Variants in PTPN3 observed in about 807,000 individuals in gnomAD.
PTPN3 encodes protein tyrosine phosphatase non-receptor type 3.
Under a neutral mutation model 132.7 loss-of-function variants are expected in PTPN3, and 96 were observed. The observed-to-expected ratio is 0.72, with a 90% CI of 0.61 to 0.86. PTPN3 has a LOEUF of 0.86. PTPN3 is among the 40% of genes least tolerant of loss of function. PTPN3 has a pLI of 0.00. For synonymous variants in PTPN3, 398 were observed against 429.0 expected (o/e 0.93, Z 0.89); for missense variants, 1,125 against 1,159.6 (o/e 0.97, Z 0.43).
upstream of PTPN3, among the ~76,000 whole-genome samples, chr9:109,500,193 C>T (rs1038287278): frequency 6.6e-6 from 1 of 152,242 alleles, no homozygotes. Flanking sequence ...AGATCCATTT[C>T]TTGAGTGCCT....
At chr9:109,521,085 T>C in the PTPN3 span, among the ~76,000 whole-genome samples, 19 of 152,152 alleles carry the variant, frequency 1.2e-4, no homozygotes, top group Non-Finnish European at 2.6e-4. Flanking sequence ...TAGAGAACAA[T>C]GAATCAACAA....
the PTPN3 span, among the ~76,000 whole-genome samples, chr9:109,517,321 T>C: frequency 3.3e-5 from 5 of 152,208 alleles, no homozygotes; most frequent in Non-Finnish European, 4.4e-5. Context: ...TGAGGTTCTC[T>C]GATCCTTTGA....
chr9:109,393,288 CT>C (rs1193695051), intron 19 of PTPN3, among the ~76,000 whole-genome samples: 3 of 151,394 alleles, frequency 2.0e-5, no homozygotes, highest in African/African-American at 7.3e-5. Flanking sequence ...TAACTTTTAT[CT>C]TACTTTTTCA....
chr9:109,391,876 G>GC (rs1446775886), intron 19 of PTPN3, among the ~76,000 whole-genome samples: 12 of 102,802 alleles, frequency 1.2e-4, no homozygotes, highest in East Asian at 6.6e-4. Context: ...GATGTGGGGG[G>GC]GGGGGGGAAG....
At chr9:109,468,017 C>G (rs1449961564) in intron 1 of PTPN3, among the ~76,000 whole-genome samples, 2 of 152,180 alleles carry the variant, frequency 1.3e-5, no homozygotes, top group Non-Finnish European at 2.9e-5. Context: ...TGTTGAATAA[C>G]CCAATAATTG....
At chr9:109,409,532 C>A (rs949790524) in intron 16 of PTPN3, among the ~76,000 whole-genome samples, 2 of 152,088 alleles carry the variant, frequency 1.3e-5, no homozygotes, top group Non-Finnish European at 2.9e-5. Flanking sequence ...TTAAAAAAAA[C>A]CTCTCAATTC....
intron 10 of PTPN3, among the ~76,000 whole-genome samples, chr9:109,429,308 T>C (rs1356867189): frequency 1.3e-5 from 2 of 152,176 alleles, no homozygotes; most frequent in Non-Finnish European, 2.9e-5. Context: ...AACTAGAAAT[T>C]CCTGGAGCCA....
intron 22 of PTPN3, among the ~76,000 whole-genome samples, chr9:109,385,847 T>C (rs968917367): frequency 4.6e-5 from 7 of 152,282 alleles, no homozygotes; most frequent in African/African-American, 1.7e-4. Context: ...TTCACAAGCC[T>C]GAGTGGGGCC....
intron 25 of PTPN3, 96 bp downstream of exon 25, chr9:109,381,556 C>A: frequency 6.6e-7 from 1 of 1,505,030 alleles, no homozygotes. Flanking sequence ...TCCCCCTGAG[C>A]TGCAGTCTGT....
intron 2 of PTPN3, 54 bp downstream of exon 2, chr9:109,463,243 A>G (rs2132047878): frequency 6.9e-7 from 1 of 1,456,046 alleles, no homozygotes; most frequent in Non-Finnish European, 9.2e-7. Context: ...GATGAAAACT[A>G]TTTGTTAGGA....
At chr9:109,510,011 CAA>C in the PTPN3 span, among the ~76,000 whole-genome samples, 1 of 152,064 alleles carries the variant, frequency 6.6e-6, no homozygotes, top group African/African-American at 2.4e-5. Context: ...GCCTGTCAAA[CAA>C]GAGGAAATGG....
At chr9:109,515,083 T>C in the PTPN3 span, among the ~76,000 whole-genome samples, 40,046 of 151,938 alleles carry the variant, frequency 0.26, 5,595 homozygotes, top group South Asian at 0.31. Context: ...AGTGCAATGG[T>C]GCCGTCACTG....
chr9:109,495,530 C>T (rs951526391), intron 1 of PTPN3, among the ~76,000 whole-genome samples: 3 of 152,216 alleles, frequency 2.0e-5, no homozygotes, highest in Admixed American at 6.5e-5. Flanking sequence ...CCTGGCCCCA[C>T]TCTACCTTTG....
intron 19 of PTPN3, chr9:109,392,541 G>A (rs552908223): frequency 1.3e-5 from 2 of 152,198 alleles, no homozygotes; most frequent in South Asian, 2.1e-4. Flanking sequence ...ATATGTAAAC[G>A]CATAATACAT....
intron 9 of PTPN3, among the ~76,000 whole-genome samples, chr9:109,434,746 G>T (rs1460058104): frequency 6.6e-6 from 1 of 152,150 alleles, no homozygotes; most frequent in Non-Finnish European, 1.5e-5. Flanking sequence ...AAAGATGACA[G>T]AACCCACCTC....
intron 9 of PTPN3, among the ~76,000 whole-genome samples, chr9:109,436,203 G>A (rs990178766): frequency 2.0e-5 from 3 of 152,214 alleles, no homozygotes; most frequent in Non-Finnish European, 4.4e-5. Flanking sequence ...GTATGCCACT[G>A]ATCAAAGGTC....
chr9:109,497,498 T>C (rs796773850), intron 1 of PTPN3, among the ~76,000 whole-genome samples: 54 of 152,244 alleles, frequency 3.5e-4, no homozygotes, highest in African/African-American at 1.2e-3. Flanking sequence ...ACAAGCTCTT[T>C]CCACCAGCTT....
At chr9:109,450,299 C>T (rs895530402) in intron 5 of PTPN3, 3 of 985,224 alleles carry the variant, frequency 3.0e-6, no homozygotes, top group African/African-American at 3.5e-5. Flanking sequence ...TCAGTTCTTT[C>T]TAGTTTGTTT....
chr9:109,391,344 CT>C, intron 20 of PTPN3, 126 bp downstream of exon 20: 1 of 1,278,962 alleles, frequency 7.8e-7, no homozygotes, highest in Non-Finnish European at 1.1e-6. Flanking sequence ...TCTGAAATGG[CT>C]GCAATAAAGA....
Sources: gnomAD v4.1 joint callset for allele counts (sites outside exome capture counted in the v4.1 genomes callset) on GRCh38, gnomAD v4.1.1 for gene constraint, MANE v1.5 for transcripts, NCBI Gene and HGNC (gene_info 2026-07-23, HGNC 2026-07-21) for gene names.